EFCAB5: variants seen among roughly 807,000 people sequenced by gnomAD.
EFCAB5 encodes the protein EF-hand calcium binding domain 5, also known as EF-hand calcium-binding domain-containing protein 5.
Under a neutral mutation model 167.9 loss-of-function variants are expected in EFCAB5, and 131 were observed. That is an observed-to-expected ratio of 0.78 (90% CI 0.68 to 0.90). The LOEUF is 0.90. Among genes scored for constraint, EFCAB5 ranks in the 40% least tolerant of loss-of-function variants. The pLI is 0.00. For synonymous variants in EFCAB5, 574 were observed against 602.8 expected (o/e 0.95, Z 0.70); for missense variants, 1,663 against 1,745.2 (o/e 0.95, Z 0.84).
intron 22 of EFCAB5, among the ~76,000 whole-genome samples, chr17:30,093,691 C>T (rs1218301619): frequency 3.3e-5 from 5 of 152,096 alleles, no homozygotes; most frequent in African/African-American, 1.2e-4. Flanking sequence ...CCAATAGTGC[C>T]CTCTGGTGGA....
At chr17:30,028,258 C>T (rs566561200) in intron 7 of EFCAB5, among the ~76,000 whole-genome samples, 1 of 152,228 alleles carries the variant, frequency 6.6e-6, no homozygotes, top group Middle Eastern at 3.4e-3. Context: ...AGAAAGGCTT[C>T]GTCAACTGTA....
intron 8 of EFCAB5, among the ~76,000 whole-genome samples, chr17:30,047,053 T>C (rs1196585180): frequency 6.6e-6 from 1 of 152,232 alleles, no homozygotes; most frequent in Non-Finnish European, 1.5e-5. Context: ...TTGCCTCAAA[T>C]TTATCAGTAT....
intron 7 of EFCAB5, among the ~76,000 whole-genome samples, chr17:30,026,183 A>T (rs2069318095): frequency 1.4e-5 from 2 of 148,124 alleles, no homozygotes; most frequent in African/African-American, 5.2e-5. Flanking sequence ...AATAAAAAAT[A>T]AATAAATAAA....
At chr17:29,970,773 G>A (rs2067937695) in intron 4 of EFCAB5, among the ~76,000 whole-genome samples, 1 of 151,774 alleles carries the variant, frequency 6.6e-6, no homozygotes, top group Non-Finnish European at 1.5e-5. Flanking sequence ...GTGAATTATT[G>A]TTGCCCTAAA....
intron 14 of EFCAB5, chr17:30,073,877 A>T (rs1272633753): frequency 2.8e-6 from 1 of 360,504 alleles, no homozygotes; most frequent in Admixed American, 4.5e-5. Context: ...CCTGGGTAAC[A>T]TTGCAAAAAC....
intron 4 of EFCAB5, chr17:29,972,763 C>T (rs1056063867): frequency 4.4e-6 from 1 of 224,816 alleles, no homozygotes; most frequent in Non-Finnish European, 9.4e-6. Flanking sequence ...ACTACCAGGA[C>T]CTGCGAAGGA....
At chr17:30,082,156 C>G (rs898182116) in intron 17 of EFCAB5, among the ~76,000 whole-genome samples, 1 of 152,148 alleles carries the variant, frequency 6.6e-6, no homozygotes, top group Non-Finnish European at 1.5e-5. Flanking sequence ...TACTGTCGAT[C>G]TGATGATAGT....
At position 30,057,686 on chromosome 17, in the gene EFCAB5, A is replaced by C. The variant is rs756208699; in HGVS notation, c.2376A>C (p.Ser792=). ...TTTCTTGCTTGACAGATTTACACTC[A>C]ATTATCAGAAATATTCAGTCTTGCA... ...YGNSRFTDLH[S]IIRNIQSCKE... Residue 792 remains serine, a synonymous_variant, in exon 13 of 23, where the codon TCA becomes TCC. Coordinates refer to ENST00000394835, the MANE Select transcript of EFCAB5 (RefSeq NM_198529.4). The C allele has an allele frequency of 1.1e-5, 18 of 1,612,384 alleles. 1 individual carries two copies. The South Asian group carries it at 1.9e-4, about 17-fold the overall frequency.
At chr17:30,017,509 A>G (rs1285248775) in intron 7 of EFCAB5, among the ~76,000 whole-genome samples, 7 of 152,174 alleles carry the variant, frequency 4.6e-5, no homozygotes. Context: ...TACTTAGAAA[A>G]TAAAAATATA....
intron 4 of EFCAB5, among the ~76,000 whole-genome samples, chr17:29,983,548 G>A (rs1327294944): frequency 6.6e-6 from 1 of 152,070 alleles, no homozygotes; most frequent in Non-Finnish European, 1.5e-5. Context: ...GACTATTTTT[G>A]CAATTTTTCC....
chr17:30,044,986 C>T (rs1202972720), intron 8 of EFCAB5, among the ~76,000 whole-genome samples: 1 of 152,056 alleles, frequency 6.6e-6, no homozygotes, highest in Non-Finnish European at 1.5e-5. Flanking sequence ...GACAATGAAC[C>T]ACTGATACAA....
intron 6 of EFCAB5, among the ~76,000 whole-genome samples, chr17:29,999,352 G>T (rs572632468): frequency 6.6e-6 from 1 of 152,110 alleles, no homozygotes; most frequent in African/African-American, 2.4e-5. Context: ...GCATAGAAAG[G>T]TTGCTGGAAG....
chr17:29,998,555 A>G (rs1434860540), intron 6 of EFCAB5, among the ~76,000 whole-genome samples: 1 of 152,216 alleles, frequency 6.6e-6, no homozygotes, highest in Non-Finnish European at 1.5e-5. Context: ...CTTAATAGCA[A>G]CTGTTACTGC....
intron 7 of EFCAB5, among the ~76,000 whole-genome samples, chr17:30,002,813 C>T (rs2151659366): frequency 6.6e-6 from 1 of 152,246 alleles, no homozygotes; most frequent in South Asian, 2.1e-4. Context: ...TCCCTTTATT[C>T]CTGAATGATA....
Position 30,080,245 on chromosome 17 carries a change from A to T in EFCAB5, c.3197+4A>T. 3 of 1,566,538 alleles carry T rather than the reference A, an allele frequency of 1.9e-6. No individual in the cohort carries two copies. The highest frequency in any genetic ancestry group is 1.7e-6 in the Non-Finnish European group (2 of 1,163,406). On this transcript the variant is annotated splice_donor_region_variant and intron_variant, in intron 16 of 22. Transcript: ENST00000394835. ...ACAGGGACATGAAAGGAATCAGGTA[A>T]GAACTTCTTGAAGAGATTGGTTTCA... is the stretch of plus-strand genomic sequence containing the variant.
chr17:29,967,550 T>C (rs1379110781), intron 3 of EFCAB5, among the ~76,000 whole-genome samples: 1 of 152,244 alleles, frequency 6.6e-6, no homozygotes, highest in African/African-American at 2.4e-5. Flanking sequence ...CGTATCTTTT[T>C]AGTCCTATAG....
At chr17:30,043,581 G>A (rs2069834953) in intron 8 of EFCAB5, among the ~76,000 whole-genome samples, 1 of 152,108 alleles carries the variant, frequency 6.6e-6, no homozygotes. Flanking sequence ...CTACATACTA[G>A]CAAAGAAATA....
intron 5 of EFCAB5, among the ~76,000 whole-genome samples, chr17:29,994,174 A>ATATATC (rs2068495119): frequency 7.9e-6 from 1 of 126,704 alleles, no homozygotes; most frequent in African/African-American, 3.0e-5. Context: ...ATATATATAT[A>ATATATC]TATGTGATAT....
At chr17:29,980,551 AC>A (rs1444670537) in intron 4 of EFCAB5, among the ~76,000 whole-genome samples, 5 of 152,346 alleles carry the variant, frequency 3.3e-5, no homozygotes, top group African/African-American at 1.2e-4. Flanking sequence ...ATCTTGAAAT[AC>A]TTTTTCCCTC....
Sources: allele counts gnomAD v4.1 joint callset (sites outside exome capture counted in the v4.1 genomes callset), GRCh38; gene constraint gnomAD v4.1.1; transcripts MANE v1.5; gene names NCBI Gene and HGNC (gene_info 2026-07-23, HGNC 2026-07-21).